DACH1: variants seen among roughly 807,000 people sequenced by gnomAD.
DACH1 encodes dachshund family transcription factor 1, also known as dachshund homolog 1.
Under a neutral mutation model 54.2 loss-of-function variants are expected in DACH1, and 12 were observed. The ratio of observed to expected loss-of-function variants is 0.22; its 90% CI spans 0.14 to 0.36. DACH1 has a LOEUF of 0.36. DACH1 is among the 10% of genes least tolerant of loss of function. The probability of loss-of-function intolerance (pLI) is 1.00; values close to 1 mark genes in which losing one functional copy is unlikely to be tolerated. For missense variants in DACH1, 805 were observed against 929.8 expected (o/e 0.87, Z 1.75); for synonymous variants, 386 against 366.2 (o/e 1.05, Z -0.62).
At chr13:71,730,225 T>A (rs6562680) in intron 1 of DACH1, among the ~76,000 whole-genome samples, 39,977 of 151,600 alleles carry the variant, frequency 0.26, 12,153 homozygotes, top group African/African-American at 0.74. Flanking sequence ...AAGAGAAAAA[T>A]AAAGAAAAAT....
intron 1 of DACH1, among the ~76,000 whole-genome samples, chr13:71,827,533 C>G (rs1383092351): frequency 6.6e-6 from 1 of 151,990 alleles, no homozygotes; most frequent in Non-Finnish European, 1.5e-5. Context: ...GCAGAAGCGC[C>G]AGCAGACCCA....
chr13:71,613,896 G>T (rs1002836305), intron 3 of DACH1, among the ~76,000 whole-genome samples: 3 of 151,932 alleles, frequency 2.0e-5, no homozygotes, highest in African/African-American at 7.3e-5. Flanking sequence ...ATTTTTTATA[G>T]AGATGGGATT....
At chr13:71,526,916 T>G (rs1021847046) in intron 6 of DACH1, among the ~76,000 whole-genome samples, 4 of 151,794 alleles carry the variant, frequency 2.6e-5, no homozygotes, top group African/African-American at 4.8e-5. Flanking sequence ...GAATGTGCCC[T>G]AGGCTCAGTT....
At chr13:71,725,080 A>G (rs923183668) in intron 1 of DACH1, among the ~76,000 whole-genome samples, 1 of 152,174 alleles carries the variant, frequency 6.6e-6, no homozygotes, top group Non-Finnish European at 1.5e-5. Flanking sequence ...ACTGTAAAAA[A>G]AAAATTCAAA....
chr13:71,830,632 G>A (rs748129335), intron 1 of DACH1, among the ~76,000 whole-genome samples: 5 of 151,868 alleles, frequency 3.3e-5, no homozygotes, highest in East Asian at 3.9e-4. Context: ...AATATCCTTC[G>A]AGAGCCAGAA....
At chr13:71,531,782 A>G (rs573108008) in intron 6 of DACH1, among the ~76,000 whole-genome samples, 9 of 152,118 alleles carry the variant, frequency 5.9e-5, no homozygotes, top group African/African-American at 1.9e-4. Context: ...GTTGTTCTCT[A>G]AACAGGGTAG....
chr13:71,840,413 G>A (rs1041009873), intron 1 of DACH1, among the ~76,000 whole-genome samples: 2 of 152,072 alleles, frequency 1.3e-5, no homozygotes, highest in Admixed American at 6.6e-5. Context: ...ACAATATAAA[G>A]TTCAAATTCC....
chr13:71,762,511 G>A (rs990547157), intron 1 of DACH1, among the ~76,000 whole-genome samples: 1 of 151,824 alleles, frequency 6.6e-6, no homozygotes, highest in Non-Finnish European at 1.5e-5. Flanking sequence ...GGAGGCCGAG[G>A]CGAGCAGCAC....
intron 1 of DACH1, among the ~76,000 whole-genome samples, chr13:71,858,440 T>C (rs1425837375): frequency 2.6e-5 from 4 of 151,834 alleles, no homozygotes; most frequent in Admixed American, 6.6e-5. Flanking sequence ...TGTGGCCTAT[T>C]GCAGTATTTG....
chr13:71,570,831 C>G (rs1289404003), intron 4 of DACH1, among the ~76,000 whole-genome samples: 1 of 152,180 alleles, frequency 6.6e-6, no homozygotes, highest in Non-Finnish European at 1.5e-5. Context: ...GGAAACTCAA[C>G]TTCTTCCTCC....
chr13:71,748,942 TTCTTTCTTTCTCTCTTTCTTTCTCTC>T (rs1884790601), intron 1 of DACH1, among the ~76,000 whole-genome samples: 4 of 49,446 alleles, frequency 8.1e-5, no homozygotes, highest in Non-Finnish European at 2.0e-4. Context: ...CTTTCTTTCT[TTCTTTCTTTCTCTCTTTCTTTCTCTC>T]TCTCTCTTTC....
chr13:71,630,139 T>C (rs1876979243), intron 3 of DACH1, among the ~76,000 whole-genome samples: 1 of 152,170 alleles, frequency 6.6e-6, no homozygotes. Flanking sequence ...TAAGTTTATA[T>C]GTTTTGCTGC....
intron 10 of DACH1, among the ~76,000 whole-genome samples, chr13:71,466,252 T>C (rs17204204): frequency 0.096 from 14,608 of 152,180 alleles, 976 homozygotes; most frequent in Middle Eastern, 0.21. Flanking sequence ...AGTTTCCATA[T>C]ATCACTATTT....
intron 7 of DACH1, among the ~76,000 whole-genome samples, chr13:71,486,732 T>G (rs1878535486): frequency 1.3e-5 from 2 of 152,188 alleles, no homozygotes; most frequent in Non-Finnish European, 2.9e-5. Context: ...TATAAATATA[T>G]GATAACTGCA....
chr13:71,470,362 G>A (rs1051429820), intron 10 of DACH1, among the ~76,000 whole-genome samples: 3 of 150,402 alleles, frequency 2.0e-5, no homozygotes, highest in African/African-American at 7.4e-5. Context: ...GGGCTGGAGT[G>A]CAGTGGTGCA....
chr13:71,780,116 G>T (rs1183736234), intron 1 of DACH1, among the ~76,000 whole-genome samples: 4 of 152,098 alleles, frequency 2.6e-5, no homozygotes, highest in African/African-American at 9.7e-5. Context: ...GTCAGGTAAA[G>T]ATCAATAGAG....
chr13:71,552,417 T>C (rs1304126906), intron 6 of DACH1, among the ~76,000 whole-genome samples: 8 of 151,964 alleles, frequency 5.3e-5, no homozygotes, highest in African/African-American at 1.7e-4. Flanking sequence ...TTTTGATCAA[T>C]CAAAAATTAG....
At chr13:71,487,416 A>C (rs1377734706) in intron 7 of DACH1, among the ~76,000 whole-genome samples, 1 of 151,334 alleles carries the variant, frequency 6.6e-6, no homozygotes, top group Non-Finnish European at 1.5e-5. Flanking sequence ...TCTTTCTTTT[A>C]TTTTTTCTTT....
chr13:71,441,818 C>T (rs1820057196), intron 10 of DACH1, among the ~76,000 whole-genome samples: 1 of 152,036 alleles, frequency 6.6e-6, no homozygotes, highest in Admixed American at 6.6e-5. Flanking sequence ...TGTCGTACTT[C>T]ATAGAAATAT....
Sources: gnomAD v4.1 joint callset for allele counts (sites outside exome capture counted in the v4.1 genomes callset) on GRCh38, gnomAD v4.1.1 for gene constraint, MANE v1.5 for transcripts, NCBI Gene and HGNC (gene_info 2026-07-23, HGNC 2026-07-21) for gene names.